Variants in IL1R2 observed in about 807,000 individuals in gnomAD.
The protein encoded by IL1R2 is interleukin 1 receptor type 2.
In IL1R2, 46 loss-of-function variants were observed where a neutral mutation model predicts 39.5. The ratio of observed to expected loss-of-function variants is 1.16; its 90% CI spans 0.92 to 1.49. IL1R2 has a LOEUF of 1.49. IL1R2 is among the 40% of genes most tolerant of loss of function. The pLI is 0.00. For synonymous variants in IL1R2, 207 were observed against 189.6 expected (o/e 1.09, Z -0.75); for missense variants, 537 against 502.0 (o/e 1.07, Z -0.67).
At chr2:102,002,906 A>T (rs1577686274) in intron 1 of IL1R2, among the ~76,000 whole-genome samples, 1 of 140,358 alleles carries the variant, frequency 7.1e-6, no homozygotes, top group East Asian at 2.2e-4. Context: ...GTCTATGTCT[A>T]GGTCTATGTC....
chr2:102,000,987 C>T (rs1189484562), intron 1 of IL1R2, among the ~76,000 whole-genome samples: 2 of 152,156 alleles, frequency 1.3e-5, no homozygotes, highest in East Asian at 3.9e-4. Context: ...AGAGCTTCCT[C>T]ATCAGTCATT....
rs765287682 is a variant in IL1R2, at chr2:102,024,666, C to T, written c.885C>T (p.Arg295=). Residue 295 remains arginine (R), a splice_region_variant and synonymous_variant, in exon 7 of 9, where the codon CGC becomes CGT. Coordinates refer to ENST00000332549, the MANE Select transcript of IL1R2 (RefSeq NM_004633.4). ...GAGGCCGCGTGACCGAGGGGCCACG[C>T]CAGTAAGTGGGCCAGGGTCTTCTGT... The part of the protein sequence containing the change: ...YPGGRVTEGP[R]QEYSENNENY... 100 of 1,613,960 alleles carry T rather than the reference C, an allele frequency of 6.2e-5. No individual in the cohort carries two copies. The highest frequency in any genetic ancestry group is 8.5e-5 in the Non-Finnish European group (100 of 1,179,998).
At chr2:102,017,101 T>A (rs539678061) in intron 4 of IL1R2, among the ~76,000 whole-genome samples, 18 of 152,228 alleles carry the variant, frequency 1.2e-4, no homozygotes, top group East Asian at 3.9e-4. Context: ...GGAGTTTTTT[T>A]AAAAAGTACA....
intron 3 of IL1R2, 169 bp downstream of exon 3, chr2:102,009,995 C>T (rs1376741907): frequency 2.3e-5 from 17 of 741,416 alleles, no homozygotes; most frequent in Non-Finnish European, 3.5e-5. Context: ...CCTACAGTCT[C>T]ATTCTGTCTC....
In IL1R2 at chr2:102,003,002, AT is replaced by A. The variant is rs1559413221; in HGVS notation, c.-61-5512del. 8.0e-4 allele frequency among the ~76,000 whole-genome samples: 102 copies of A among 126,944 alleles called. 1 individual carries two copies. Among genetic ancestry groups the A allele is most frequent in the Non-Finnish European group, 1.2e-3 (71 of 58,096 alleles). 83.3% of individuals were successfully genotyped at this position (126,944 alleles called of 152,430 possible). ...TGTGTCTGTGTCGGTGTCTATGTCT[AT>A]GTCTGTGTCTGTGTCTCTGTCTGTG... On this transcript the variant is annotated intron_variant, in intron 1 of 8. Transcript: ENST00000332549.
chr2:101,996,849 A>G (rs1675615367), intron 1 of IL1R2, among the ~76,000 whole-genome samples: 1 of 151,858 alleles, frequency 6.6e-6, no homozygotes, highest in South Asian at 2.1e-4. Context: ...CCAAAAAGAT[A>G]CCTTTAAAGC....
Position 101,996,485 on chromosome 2 carries a change from G to GTTTTTTT in IL1R2, c.-62+4488_-62+4494dup, listed in dbSNP as rs11382814. Among the ~76,000 whole-genome samples, 181 of 82,394 alleles carry GTTTTTTT rather than the reference G, an allele frequency of 2.2e-3. 1 individual carries two copies. Among genetic ancestry groups the GTTTTTTT allele is most frequent in the South Asian group, 0.015 (29 of 1,988 alleles). The allele number at this position is 82,394 out of a possible 152,430, so 54.1% of individuals were successfully genotyped here. A position where few individuals can be genotyped will look rare whatever the true frequency, so the allele number is the denominator to read the frequency against. On this transcript the variant is annotated intron_variant, in intron 1 of 8. Coordinates refer to ENST00000332549, the MANE Select transcript of IL1R2 (RefSeq NM_004633.4). ...ATAAAAATCCCTGGGTGTTTTCAGTGTTTTTTTTTTTTTTTTTTTTGGGGG... is the reference window on the plus strand; with the variant it reads ...ATAAAAATCCCTGGGTGTTTTCAGTGTTTTTTTTTTTTTTTTTTTTTTTTTTTGGGGG...
At chr2:101,992,250 GGCAGAGGC>G (rs1675365658) in intron 1 of IL1R2, among the ~76,000 whole-genome samples, 1 of 151,334 alleles carries the variant, frequency 6.6e-6, no homozygotes, top group South Asian at 2.1e-4. Context: ...CAGAGAGACA[GGCAGAGGC>G]AGAGAGACAG....
intron 4 of IL1R2, among the ~76,000 whole-genome samples, chr2:102,018,312 C>T (rs1180929043): frequency 6.6e-6 from 1 of 152,238 alleles, no homozygotes; most frequent in Non-Finnish European, 1.5e-5. Flanking sequence ...GGAAAGAGCA[C>T]AGGCTCTGGC....
chr2:102,009,615 C>A lies in IL1R2; in HGVS notation c.121C>A (p.Leu41Met). 1 of 1,614,150 alleles carries A rather than the reference C, an allele frequency of 6.2e-7. No homozygotes were observed. Among genetic ancestry groups the A allele is most frequent in the South Asian group, 1.1e-5 (1 of 91,084 alleles). ...RGRHYKREFR[L>M]EGEPVALRCP... ...GAGGCATTACAAGCGGGAGTTCAGG[C>A]TGGAAGGGGAGCCTGTAGCCCTGAG... Residue 41 changes from leucine (L) to methionine (M), a missense_variant, in exon 3 of 9, where the codon CTG (leucine) becomes ATG (methionine). Leu to Met is a conservative substitution (Grantham distance 15). Coordinates refer to ENST00000332549, the MANE Select transcript of IL1R2 (RefSeq NM_004633.4).
chr2:101,992,615 A>G (rs1055672201), intron 1 of IL1R2, among the ~76,000 whole-genome samples: 1 of 151,886 alleles, frequency 6.6e-6, no homozygotes, highest in African/African-American at 2.4e-5. Context: ...AGGGAGACAG[A>G]GAGAGGCAGA....
At position 102,019,888 on chromosome 2, in the gene IL1R2, T is replaced by C. The variant is rs148749270; in HGVS notation, c.688+76T>C. 1.7e-5 allele frequency: 21 copies of C among 1,250,260 alleles called. No homozygotes were observed. In the East Asian group the frequency reaches 4.0e-4, roughly 24 times the overall value. The allele number at this position is 1,250,260 out of a possible 1,614,324, so 77.4% of individuals were successfully genotyped here. On this transcript the variant is annotated intron_variant, in intron 5 of 8. Transcript: ENST00000332549. Reference sequence around the variant, plus strand: ...TGCAGAGAACAAATGACGGTGCACGTAGAATTCCTTGCAGGTCTTTGGAAT... The same window carrying C: ...TGCAGAGAACAAATGACGGTGCACGCAGAATTCCTTGCAGGTCTTTGGAAT...
intron 1 of IL1R2, chr2:101,999,147 C>G (rs1675725697): frequency 6.6e-6 from 1 of 152,342 alleles, no homozygotes; most frequent in South Asian, 2.1e-4. Flanking sequence ...GCCTTTGTAC[C>G]AGGATCTGAT....
At chr2:102,018,185 C>G (rs3218931) in intron 4 of IL1R2, among the ~76,000 whole-genome samples, 105 of 152,322 alleles carry the variant, frequency 6.9e-4, no homozygotes, top group African/African-American at 2.2e-3. Context: ...ATCCTTCCAC[C>G]TCAGCTTCCC....
chr2:102,014,294 G>T (rs995096606), intron 3 of IL1R2, among the ~76,000 whole-genome samples: 2 of 152,104 alleles, frequency 1.3e-5, no homozygotes, highest in African/African-American at 4.8e-5. Flanking sequence ...TGATATAATA[G>T]TAATTCCTAC....
chr2:102,016,924 C>G (rs1057498279), intron 4 of IL1R2, among the ~76,000 whole-genome samples: 4 of 151,924 alleles, frequency 2.6e-5, no homozygotes, highest in Non-Finnish European at 5.9e-5. Context: ...TTAAAAGGGC[C>G]GTAATTAATA....
intron 1 of IL1R2, among the ~76,000 whole-genome samples, chr2:101,996,599 G>A (rs1237257719): frequency 6.7e-6 from 1 of 149,204 alleles, no homozygotes; most frequent in Admixed American, 6.7e-5. Context: ...AGGACAAGGT[G>A]GGCACATTTT....
At chr2:102,014,975 A>AATC (rs201187233) in intron 3 of IL1R2, among the ~76,000 whole-genome samples, 6 of 138,350 alleles carry the variant, frequency 4.3e-5, no homozygotes, top group African/African-American at 6.4e-5. Context: ...TAATAATAAT[A>AATC]ATCATATAAT....
Position 102,026,162 on chromosome 2 carries a change from T to A in IL1R2, c.939T>A (p.Asp313Glu). The change falls in exon 8 of 9, where the codon GAT becomes GAA. Residue 313 changes from aspartate to glutamate, a missense_variant. Physicochemically the swap from Asp to Glu is conservative, Grantham distance 45 (BLOSUM62 2). Coordinates refer to ENST00000332549, the MANE Select transcript of IL1R2 (RefSeq NM_004633.4). ...ACATTGAAGTGCCATTGATTTTTGA[T>A]CCTGTCACAAGAGAGGATTTGCACA... Reference protein sequence around the residue: ...ENYIEVPLIFDPVTREDLHMD... With the variant: ...ENYIEVPLIFEPVTREDLHMD... The A allele has an allele frequency of 6.2e-7, 1 of 1,611,672 alleles. No individual in the cohort carries two copies. Among genetic ancestry groups the A allele is most frequent in the East Asian group, 2.2e-5 (1 of 44,860 alleles).
Sources: gnomAD v4.1 joint callset for allele counts (sites outside exome capture counted in the v4.1 genomes callset) on GRCh38, gnomAD v4.1.1 for gene constraint, MANE v1.5 for transcripts, NCBI Gene and HGNC (gene_info 2026-07-23, HGNC 2026-07-21) for gene names.